The following POLE4 variants were observed in gnomAD, a reference collection of about 807,000 sequenced individuals.
The protein encoded by POLE4 is DNA polymerase epsilon 4, accessory subunit.
Under a neutral mutation model 15.6 loss-of-function variants are expected in POLE4, and 15 were observed. That is an observed-to-expected ratio of 0.96 (90% CI 0.64 to 1.48). The LOEUF (loss-of-function observed/expected upper bound fraction) is 1.48. Among genes scored for constraint, POLE4 ranks in the 40% most tolerant of loss-of-function variants. The pLI is 0.00. For missense variants in POLE4, 205 were observed against 151.9 expected (o/e 1.35, Z -1.84); for synonymous variants, 83 against 63.2 (o/e 1.31, Z -1.49).
At position 74,960,136 on chromosome 2, in the gene POLE4, T is replaced by C. The variant is rs1671193883; in HGVS notation, c.330T>C (p.Ala110=). ...DNAIEAVDEF[A]FLEGTLD is the part of the protein sequence containing the mutation. ...CAATAGAAGCTGTGGATGAATTTGC[T>C]TTTCTGGAAGGTGAGTTCCCTCTCA... Residue 110 remains alanine, a synonymous_variant, in exon 3 of 4, where the codon GCT becomes GCC. Coordinates refer to ENST00000483063, the MANE Select transcript of POLE4 (RefSeq NM_019896.4). 2.5e-6 allele frequency: 4 copies of C among 1,613,794 alleles called. No individual in the cohort carries two copies. In the East Asian group the frequency reaches 8.9e-5, roughly 36 times the overall value.
Position 74,969,529 on chromosome 2 carries a change from T to C in POLE4, c.*107T>C. On this transcript the variant is annotated 3_prime_UTR_variant, in exon 4 of 4. Transcript: ENST00000483063. ...GAGTCTTTGCACTTACACACACTCT[T>C]CCTGTTCTGCCTTCACCTATGCCGG... 2.0e-6 allele frequency: 2 copies of C among 980,650 alleles called. No individual in the cohort carries two copies. Among genetic ancestry groups the C allele is most frequent in the Non-Finnish European group, 1.7e-6 (1 of 602,512 alleles). 60.7% of individuals were successfully genotyped at this position (980,650 alleles called of 1,614,324 possible). A position where few individuals can be genotyped will look rare whatever the true frequency, so the allele number is the denominator to read the frequency against.
At chr2:74,964,769 C>G (rs1270419548) in intron 3 of POLE4, among the ~76,000 whole-genome samples, 1 of 151,998 alleles carries the variant, frequency 6.6e-6, no homozygotes, top group Non-Finnish European at 1.5e-5. Flanking sequence ...TCTTTAATTA[C>G]ATAGTAGTAT....
At chr2:74,963,291 A>G (rs1671250591) in intron 3 of POLE4, among the ~76,000 whole-genome samples, 1 of 152,134 alleles carries the variant, frequency 6.6e-6, no homozygotes, top group Non-Finnish European at 1.5e-5. Context: ...ACTTGGTATT[A>G]CCAGAGTTTT....
intron 3 of POLE4, among the ~76,000 whole-genome samples, chr2:74,967,364 G>C (rs541135381): frequency 1.4e-5 from 2 of 146,190 alleles, no homozygotes; most frequent in South Asian, 4.4e-4. Context: ...TTTCAGTACT[G>C]TGAGTTCTGT....
intron 3 of POLE4, among the ~76,000 whole-genome samples, chr2:74,963,099 T>G (rs1671247869): frequency 1.3e-5 from 2 of 152,248 alleles, no homozygotes; most frequent in Non-Finnish European, 2.9e-5. Context: ...TGAACAATCT[T>G]GTACATATTT....
intron 3 of POLE4, among the ~76,000 whole-genome samples, chr2:74,963,984 A>T (rs1182708084): frequency 6.6e-6 from 1 of 152,232 alleles, no homozygotes; most frequent in African/African-American, 2.4e-5. Context: ...TGTCATGAAG[A>T]CATTCTGTAT....
At chr2:74,960,428 T>G (rs1045887383) in intron 3 of POLE4, among the ~76,000 whole-genome samples, 1 of 152,228 alleles carries the variant, frequency 6.6e-6, no homozygotes, top group Non-Finnish European at 1.5e-5. Flanking sequence ...ATTCCTACTT[T>G]GATCGCCATC....
chr2:74,959,267 A>T (rs1408959284), intron 1 of POLE4, 74 bp from the exon 2 acceptor site: 2 of 911,488 alleles, frequency 2.2e-6, no homozygotes, highest in Non-Finnish European at 3.5e-6. Context: ...TTCTGCCCCC[A>T]CCCACAAACC....
chr2:74,959,136 G>GT (rs1671174732), intron 1 of POLE4: 2 of 612,198 alleles, frequency 3.3e-6, no homozygotes, highest in Admixed American at 3.0e-5. Flanking sequence ...TACAGAACTT[G>GT]TAGGAGTCTT....
rs574821918 is a variant in POLE4 at position 74,969,786 on chromosome 2, A to G, written c.*364A>G. On this transcript the variant is annotated 3_prime_UTR_variant, in exon 4 of 4. Transcript: ENST00000483063. The stretch of plus-strand genomic sequence containing the variant: ...GTTCCTACCCTGTGACTGGAGAGTC[A>G]CCATACCTGGTCACAGACCTTCCTG... The G allele has an allele frequency of 1.1e-4, 24 of 220,352 alleles. No individual in the cohort carries two copies. In the East Asian group the frequency reaches 2.0e-3, roughly 18 times the overall value. 13.6% of individuals were successfully genotyped at this position (220,352 alleles called of 1,614,324 possible). A position where few individuals can be genotyped will look rare whatever the true frequency, so the allele number is the denominator to read the frequency against.
chr2:74,959,871 A>G (rs556662439), intron 2 of POLE4: 1 of 512,636 alleles, frequency 2.0e-6, no homozygotes, highest in East Asian at 3.1e-5. Flanking sequence ...GAGGCCCCCA[A>G]CCCCCGCGTT....
At chr2:74,968,957 GT>G (rs1291759014) in intron 3 of POLE4, among the ~76,000 whole-genome samples, 3 of 151,946 alleles carry the variant, frequency 2.0e-5, no homozygotes, top group Admixed American at 1.3e-4. Context: ...CCTATTTGTT[GT>G]AGATTTATAC....
intron 3 of POLE4, chr2:74,960,681 G>A (rs1001959443): frequency 2.5e-5 from 11 of 444,268 alleles, no homozygotes; most frequent in African/African-American, 8.1e-5. Context: ...GCCTCAGAGC[G>A]ATTTCTGCTA....
chr2:74,960,128 GA>G lies in POLE4; in HGVS notation c.324del (p.Glu108AspfsTer9). The G allele has an allele frequency of 2.5e-6, 4 of 1,613,892 alleles. No individual in the cohort carries two copies. The highest frequency in any genetic ancestry group is 3.4e-6 in the Non-Finnish European group (4 of 1,179,824). On this transcript the variant is annotated frameshift_variant, in exon 3 of 4. Transcript: ENST00000483063. LOFTEE classifies it high-confidence loss of function. ...DLDNAIEAVD[E>X]FAFLEGTLD ...AGATAATGCAATAGAAGCTGTGGAT[GA>G]ATTTGCTTTTCTGGAAGGTGAGTTC...
intron 3 of POLE4, among the ~76,000 whole-genome samples, chr2:74,964,470 A>G (rs924383837): frequency 3.9e-5 from 6 of 152,132 alleles, no homozygotes; most frequent in Non-Finnish European, 5.9e-5. Flanking sequence ...CTACTTTAAC[A>G]TTTATTAATA....
intron 3 of POLE4, among the ~76,000 whole-genome samples, chr2:74,967,316 T>G (rs1410980805): frequency 6.6e-6 from 1 of 151,858 alleles, no homozygotes; most frequent in Non-Finnish European, 1.5e-5. Flanking sequence ...TTTAAACTAT[T>G]TTTTTTGTTT....
At chr2:74,959,178 T>C (rs1193377633) in intron 1 of POLE4, 163 bp from the exon 2 acceptor site, 2 of 620,436 alleles carry the variant, frequency 3.2e-6, no homozygotes, top group Non-Finnish European at 5.8e-6. Context: ...GGGAAGAGGG[T>C]AGCGGAATGG....
At chr2:74,960,656 A>G (rs1327477620) in intron 3 of POLE4, 1 of 457,370 alleles carries the variant, frequency 2.2e-6, no homozygotes, top group Non-Finnish European at 4.4e-6. Flanking sequence ...TGAAATACCT[A>G]ATTTTAGCTA....
At chr2:74,964,357 C>T (rs1671268122) in intron 3 of POLE4, among the ~76,000 whole-genome samples, 1 of 151,892 alleles carries the variant, frequency 6.6e-6, no homozygotes, top group Non-Finnish European at 1.5e-5. Context: ...CTGTCAAATT[C>T]CACAAAAAGA....
Sources: gnomAD v4.1 joint callset for allele counts (sites outside exome capture counted in the v4.1 genomes callset) on GRCh38, gnomAD v4.1.1 for gene constraint, MANE v1.5 for transcripts, NCBI Gene and HGNC (gene_info 2026-07-23, HGNC 2026-07-21) for gene names.